FMNL2: variants seen among roughly 807,000 people sequenced by gnomAD.
FMNL2 encodes formin like 2.
A neutral mutation model predicts 130.2 loss-of-function variants in FMNL2; 51 were observed. The observed-to-expected ratio is 0.39, with a 90% confidence interval of 0.31 to 0.49. The LOEUF is 0.49. FMNL2 is among the 20% of genes least tolerant of loss of function. The pLI, the probability that FMNL2 is intolerant of heterozygous loss-of-function variation, is 0.85. For missense variants in FMNL2, 977 were observed against 1,316.2 expected (o/e 0.74, Z 3.99); for synonymous variants, 465 against 467.1 (o/e 1.00, Z 0.06).
At chr2:152,619,419 GT>G (rs2105895373) in intron 14 of FMNL2, 89 bp from the exon 15 acceptor site, 1 of 1,528,964 alleles carries the variant, frequency 6.5e-7, no homozygotes, top group South Asian at 1.2e-5. Context: ...TAAGTGTGTT[GT>G]TTTCAGATGG....
intron 1 of FMNL2, among the ~76,000 whole-genome samples, chr2:152,363,639 G>A (rs940245201): frequency 6.6e-6 from 1 of 151,920 alleles, no homozygotes; most frequent in African/African-American, 2.4e-5. Context: ...TTGGCTCACT[G>A]CAACTTCCGC....
chr2:152,645,399 A>G, intron 25 of FMNL2: 1 of 1,198,916 alleles, frequency 8.3e-7, no homozygotes, highest in South Asian at 1.3e-5. Context: ...TTTTTTCTTA[A>G]CCATCATTTT....
intron 1 of FMNL2, among the ~76,000 whole-genome samples, chr2:152,416,437 C>G: frequency 6.6e-6 from 1 of 152,182 alleles, no homozygotes; most frequent in East Asian, 1.9e-4. Context: ...AATGAACTGA[C>G]TTTCTAATTT....
chr2:152,476,760 G>A (rs1439151380), intron 1 of FMNL2, among the ~76,000 whole-genome samples: 1 of 151,700 alleles, frequency 6.6e-6, no homozygotes, highest in Non-Finnish European at 1.5e-5. Context: ...CCCCATAGTG[G>A]GCGGAACACC....
At position 152,548,220 on chromosome 2, in the gene FMNL2, C is replaced by T. The variant is rs115627713; in HGVS notation, c.283-801C>T. ...TAGCTCTGCATGCTTATTTTTGCAA[C>T]GTGTTAGGTCACGCAGAAAAAAAAT... On this transcript the variant is annotated intron_variant, in intron 3 of 25. Coordinates refer to ENST00000288670, the MANE Select transcript of FMNL2 (RefSeq NM_052905.4). Among the ~76,000 whole-genome samples, 1,370 of 152,110 alleles carry T rather than the reference C, an allele frequency of 9.0e-3. 14 individuals are homozygous for T. The highest frequency in any genetic ancestry group is 0.022 in the African/African-American group (922 of 41,464).
intron 21 of FMNL2, among the ~76,000 whole-genome samples, chr2:152,633,925 T>G (rs6728118): frequency 1 from 152,003 of 152,300 alleles, 75,853 homozygotes; most frequent in East Asian, 1. Context: ...GATTCTGTAT[T>G]CCTTCACTCA....
intron 3 of FMNL2, among the ~76,000 whole-genome samples, chr2:152,545,419 T>A (rs1034835703): frequency 2.8e-4 from 42 of 151,818 alleles, no homozygotes; most frequent in African/African-American, 8.5e-4. Context: ...TTGCTTTTTT[T>A]AAAAAAAAAT....
chr2:152,641,025 T>A, intron 25 of FMNL2, 111 bp downstream of exon 25: 1 of 1,417,934 alleles, frequency 7.1e-7, no homozygotes, highest in African/African-American at 1.4e-5. Context: ...AGTTCATTAG[T>A]TGACTTTATT....
Position 152,648,032 on chromosome 2 carries a change from A to C in FMNL2, c.*127A>C, listed in dbSNP as rs1013949675. 2 of 823,406 alleles carry C rather than the reference A, an allele frequency of 2.4e-6. No homozygotes were observed. Among genetic ancestry groups the C allele is most frequent in the African/African-American group, 1.7e-5 (1 of 57,754 alleles). 51.0% of individuals were successfully genotyped at this position (823,406 alleles called of 1,614,324 possible). ...ATATTCTTAAGGGCTCAGATTTAGC[A>C]AACACGGAAGAATTTTAAAATGAGC... is the stretch of plus-strand genomic sequence containing the variant. On this transcript the variant is annotated 3_prime_UTR_variant, in exon 26 of 26. Transcript: ENST00000288670.
chr2:152,614,149 A>G (rs939947515), intron 11 of FMNL2, among the ~76,000 whole-genome samples: 7 of 152,314 alleles, frequency 4.6e-5, no homozygotes, highest in Non-Finnish European at 7.3e-5. Flanking sequence ...TAAGATACCA[A>G]ACACTCCAGT....
Position 152,416,014 on chromosome 2 carries a change from C to A in FMNL2, c.117+80294C>A, listed in dbSNP as rs112808935. On this transcript the variant is annotated intron_variant, in intron 1 of 25. Coordinates refer to ENST00000288670, the MANE Select transcript of FMNL2 (RefSeq NM_052905.4). ...GTTTGGCATGCAGGAAATGGATGTT[C>A]AGTGTTGGCCTCACTGAGTTTTGGA... is the stretch of plus-strand genomic sequence containing the variant. 3.6e-3 allele frequency among the ~76,000 whole-genome samples: 542 copies of A among 152,224 alleles called. 4 individuals are homozygous for A. The highest frequency in any genetic ancestry group is 0.034 in the Middle Eastern group (10 of 294).
intron 1 of FMNL2, among the ~76,000 whole-genome samples, chr2:152,520,544 G>A (rs893919471): frequency 3.3e-5 from 5 of 150,210 alleles, no homozygotes; most frequent in African/African-American, 1.2e-4. Context: ...GCAGTGAGCC[G>A]AGATCGTGCT....
At chr2:152,541,797 C>CAG (rs1392850486) in intron 2 of FMNL2, among the ~76,000 whole-genome samples, 1 of 151,852 alleles carries the variant, frequency 6.6e-6, no homozygotes, top group Non-Finnish European at 1.5e-5. Context: ...TTTGTGAGAT[C>CAG]CATTCATAGG....
chr2:152,470,228 G>A (rs1689784323), intron 1 of FMNL2, among the ~76,000 whole-genome samples: 2 of 152,186 alleles, frequency 1.3e-5, no homozygotes, highest in South Asian at 4.1e-4. Context: ...CAGGAAGTGG[G>A]AAGACCTGGG....
chr2:152,416,866 G>T (rs1418450420), intron 1 of FMNL2, among the ~76,000 whole-genome samples: 2 of 152,194 alleles, frequency 1.3e-5, no homozygotes, highest in Non-Finnish European at 2.9e-5. Context: ...TCCACCAATT[G>T]TGTCTCAGGT....
intron 1 of FMNL2, among the ~76,000 whole-genome samples, chr2:152,415,229 A>G (rs1194584570): frequency 1.3e-5 from 2 of 151,894 alleles, no homozygotes; most frequent in African/African-American, 4.8e-5. Flanking sequence ...CCCACCTCTC[A>G]GTGATGGAGG....
intron 6 of FMNL2, among the ~76,000 whole-genome samples, chr2:152,563,441 G>GT (rs1695645275): frequency 6.6e-6 from 1 of 151,980 alleles, no homozygotes; most frequent in Non-Finnish European, 1.5e-5. Flanking sequence ...TTTTTGTTTT[G>GT]TTTTTTAAAC....
chr2:152,446,487 T>C (rs1278530256), intron 1 of FMNL2, among the ~76,000 whole-genome samples: 2 of 152,200 alleles, frequency 1.3e-5, no homozygotes, highest in Admixed American at 1.3e-4. Context: ...TACTATTCTT[T>C]CAACTTTTGT....
intron 9 of FMNL2, among the ~76,000 whole-genome samples, chr2:152,593,902 T>TGAGAGA (rs143746034): frequency 4.9e-5 from 4 of 81,568 alleles, no homozygotes; most frequent in South Asian, 9.3e-4. Flanking sequence ...TGTGTGTGTG[T>TGAGAGA]GAGAGAGAGA....
Sources: allele counts gnomAD v4.1 joint callset (sites outside exome capture counted in the v4.1 genomes callset), GRCh38; gene constraint gnomAD v4.1.1; transcripts MANE v1.5; gene names NCBI Gene and HGNC (gene_info 2026-07-23, HGNC 2026-07-21).